The following FOXN3 variants were observed in gnomAD, a reference collection of about 807,000 sequenced individuals.
The protein encoded by FOXN3 is forkhead box protein N3.
Under a neutral mutation model 38.4 loss-of-function variants are expected in FOXN3, and 7 were observed. The observed-to-expected ratio is 0.18, with a 90% CI of 0.10 to 0.34. The LOEUF is 0.34. Among genes scored for constraint, FOXN3 ranks in the 10% least tolerant of loss-of-function variants. The pLI, the probability that FOXN3 is intolerant of heterozygous loss-of-function variation, is 1.00. For missense variants in FOXN3, 456 were observed against 613.4 expected (o/e 0.74, Z 2.71); for synonymous variants, 230 against 242.2 (o/e 0.95, Z 0.47).
intron 1 of FOXN3, among the ~76,000 whole-genome samples, chr14:89,427,249 G>GAAGAAA (rs1721501256): frequency 8.2e-6 from 1 of 121,688 alleles, no homozygotes; most frequent in Non-Finnish European, 1.7e-5. Context: ...AAAGAAAAGA[G>GAAGAAA]AAGAAAAAGA....
intron 2 of FOXN3, among the ~76,000 whole-genome samples, chr14:89,374,920 G>A (rs1890429561): frequency 6.6e-6 from 1 of 151,722 alleles, no homozygotes; most frequent in Non-Finnish European, 1.5e-5. Flanking sequence ...GAGATTGCAG[G>A]GAGCTGAGAT....
intron 3 of FOXN3, among the ~76,000 whole-genome samples, chr14:89,329,580 G>A (rs1054447300): frequency 2.0e-5 from 3 of 152,116 alleles, no homozygotes; most frequent in Admixed American, 2.0e-4. Context: ...GGCCCCTGCC[G>A]GACGCGGTGG....
intron 2 of FOXN3, among the ~76,000 whole-genome samples, chr14:89,380,468 G>C (rs1359597695): frequency 6.6e-6 from 1 of 152,240 alleles, no homozygotes; most frequent in Non-Finnish European, 1.5e-5. Context: ...CCTCAATCAT[G>C]TTAACATCAA....
At chr14:89,595,492 C>T (rs183515492) in intron 1 of FOXN3, among the ~76,000 whole-genome samples, 1 of 152,132 alleles carries the variant, frequency 6.6e-6, no homozygotes, top group Admixed American at 6.5e-5. Flanking sequence ...AATTCATGTT[C>T]TGATTATTAG....
chr14:89,366,038 T>A (rs946918442), intron 2 of FOXN3, among the ~76,000 whole-genome samples: 1 of 151,874 alleles, frequency 6.6e-6, no homozygotes, highest in African/African-American at 2.4e-5. Flanking sequence ...GATCACGAGG[T>A]CAGGAGATTG....
At position 89,406,998 on chromosome 14, in the gene FOXN3, G is replaced by GA. The variant is rs35141347; in HGVS notation, c.543+4935dup. ...GGCACAGATCATCCATAGACGAAAT[G>GA]AAAAAAAAAAAAAAAAAACTAATGA... On this transcript the variant is annotated intron_variant, in intron 2 of 5. Coordinates refer to ENST00000557258, the MANE Select transcript of FOXN3 (RefSeq NM_005197.4). Among the ~76,000 whole-genome samples the GA allele has an allele frequency of 1.5e-3, 191 of 128,454 alleles. 3 individuals are homozygous for GA. The highest frequency in any genetic ancestry group is 0.014 in the East Asian group (63 of 4,524). 84.3% of individuals were successfully genotyped at this position (128,454 alleles called of 152,430 possible).
At chr14:89,294,241 G>A (rs1005159938) in intron 3 of FOXN3, among the ~76,000 whole-genome samples, 3 of 152,160 alleles carry the variant, frequency 2.0e-5, no homozygotes, top group African/African-American at 4.8e-5. Context: ...CACCTCAGCA[G>A]CATTCTCAAA....
intron 1 of FOXN3, among the ~76,000 whole-genome samples, chr14:89,517,949 T>TTG (rs1437677695): frequency 6.6e-6 from 1 of 152,224 alleles, no homozygotes; most frequent in East Asian, 1.9e-4. Flanking sequence ...AAACTCAAAT[T>TTG]TGTACACATC....
chr14:89,569,664 G>A (rs1400797634), intron 1 of FOXN3, among the ~76,000 whole-genome samples: 3 of 152,212 alleles, frequency 2.0e-5, no homozygotes, highest in Non-Finnish European at 2.9e-5. Flanking sequence ...TCTAGGCAAT[G>A]GAGAATAATA....
In FOXN3 at chr14:89,162,093, G is replaced by A. The variant is rs1887120046; in HGVS notation, c.*321C>T. The A allele has an allele frequency of 4.7e-6, 1 of 210,870 alleles. No individual in the cohort carries two copies. The highest frequency in any genetic ancestry group is 2.3e-5 in the African/African-American group (1 of 43,036). The allele number at this position is 210,870 out of a possible 1,614,324, so 13.1% of individuals were successfully genotyped here. On this transcript the variant is annotated 3_prime_UTR_variant, in exon 6 of 6. Transcript: ENST00000557258. This position sits in a 1 kb window ranked among gnomAD's most constrained non-coding sequence, Gnocchi z 7.2. ...GACATCCCTGCGGATTCAGCCACAG[G>A]TTTCTGACAAGCTGGAGGAAGCAAT...
chr14:89,446,177 CTT>C lies in FOXN3; in HGVS notation c.-14-33689_-14-33688del, dbSNP rs1179196246. ...TTCTTTTTCTCTCCTTCCTAAAAGT[CTT>C]TTTTTTTTTTTTTTTTCTTTTTTTT... On this transcript the variant is annotated intron_variant, in intron 1 of 6. Coordinates refer to the FOXN3 transcript ENST00000345097. Among the ~76,000 whole-genome samples, 412 of 56,990 alleles carry C rather than the reference CTT, an allele frequency of 7.2e-3. 4 individuals are homozygous for C. The highest frequency in any genetic ancestry group is 0.016 in the African/African-American group (257 of 15,712). The allele number at this position is 56,990 out of a possible 152,430, so 37.4% of individuals were successfully genotyped here.
chr14:89,302,412 G>A (rs900965959), intron 3 of FOXN3, among the ~76,000 whole-genome samples: 2 of 152,154 alleles, frequency 1.3e-5, no homozygotes, highest in Non-Finnish European at 2.9e-5. Context: ...ACGTATGATT[G>A]TGAGGGTTTT....
intron 1 of FOXN3, among the ~76,000 whole-genome samples, chr14:89,446,087 CAAAA>C (rs576883864): frequency 2.2e-4 from 9 of 40,110 alleles, no homozygotes; most frequent in East Asian, 7.8e-4. Context: ...GACCCTGCCT[CAAAA>C]AAAAAAAAAA....
At chr14:89,374,397 T>C (rs1249957352) in intron 2 of FOXN3, among the ~76,000 whole-genome samples, 1 of 152,068 alleles carries the variant, frequency 6.6e-6, no homozygotes, top group Non-Finnish European at 1.5e-5. Flanking sequence ...CACATACTTG[T>C]ATGACCCACC....
chr14:89,386,675 C>T (rs545822220), intron 2 of FOXN3, among the ~76,000 whole-genome samples: 37 of 152,234 alleles, frequency 2.4e-4, no homozygotes, highest in African/African-American at 8.9e-4. Context: ...GAACAAAATA[C>T]CACAGACTGC....
rs567196456 is a variant in FOXN3 at position 89,415,317 on chromosome 14, C to T, written c.-15+1554G>A. 1.1e-4 allele frequency among the ~76,000 whole-genome samples: 16 copies of T among 152,242 alleles called. 1 individual carries two copies. The highest frequency in any genetic ancestry group is 1.0e-3 in the Admixed American group (16 of 15,280). ...TGCTGCTCTCTTTCTTTTTAATTTG[C>T]TTATTTGTCAGTAGCTTCCCAGAGG... On this transcript the variant is annotated intron_variant, in intron 1 of 5. Coordinates refer to ENST00000557258, the MANE Select transcript of FOXN3 (RefSeq NM_005197.4).
At chr14:89,320,563 C>A (rs998814194) in intron 3 of FOXN3, among the ~76,000 whole-genome samples, 5 of 152,148 alleles carry the variant, frequency 3.3e-5, no homozygotes, top group Non-Finnish European at 1.5e-5. Context: ...ATAGCTAATC[C>A]CCAACCATCT....
upstream of FOXN3, among the ~76,000 whole-genome samples, chr14:89,418,240 C>T (rs144312747): frequency 3.4e-3 from 515 of 152,058 alleles, 2 homozygotes; most frequent in African/African-American, 0.012. Flanking sequence ...CTGCCACCCC[C>T]TCCTGAGCCA....
At chr14:89,430,691 G>A (rs371365462) in intron 1 of FOXN3, among the ~76,000 whole-genome samples, 107 of 152,174 alleles carry the variant, frequency 7.0e-4, no homozygotes, top group African/African-American at 2.6e-3. Flanking sequence ...TTTTTAAAAG[G>A]CCCAAATAAG....
Sources: allele counts gnomAD v4.1 joint callset (sites outside exome capture counted in the v4.1 genomes callset), GRCh38; gene constraint gnomAD v4.1.1; non-coding constraint Gnocchi (gnomAD v3.1); transcripts MANE v1.5; gene names NCBI Gene and HGNC (gene_info 2026-07-23, HGNC 2026-07-21).